Variants in TDRD7 observed in about 807,000 individuals in gnomAD.
The protein encoded by TDRD7 is tudor domain-containing protein 7.
In TDRD7, 47 loss-of-function variants were observed where a neutral mutation model predicts 109.8. The observed-to-expected ratio is 0.43, with a 90% CI of 0.34 to 0.55. The LOEUF is 0.55. Ranked by LOEUF, TDRD7 falls within the 20% of genes least tolerant of loss-of-function variation. TDRD7 has a pLI of 0.03. For missense variants in TDRD7, 1,164 were observed against 1,319.2 expected (o/e 0.88, Z 1.82); for synonymous variants, 424 against 457.3 (o/e 0.93, Z 0.93).
At chr9:97,447,241 G>A (rs1485220632) in intron 6 of TDRD7, among the ~76,000 whole-genome samples, 1 of 152,046 alleles carries the variant, frequency 6.6e-6, no homozygotes, top group East Asian at 1.9e-4. Flanking sequence ...AAGGAGTTTG[G>A]GCTTTGAGGT....
intron 16 of TDRD7, among the ~76,000 whole-genome samples, chr9:97,489,079 A>G (rs1829259838): frequency 6.6e-6 from 1 of 152,330 alleles, no homozygotes; most frequent in East Asian, 1.9e-4. Context: ...GTCTTGATGA[A>G]TGTTCCATGT....
chr9:97,487,387 T>C, intron 16 of TDRD7, 55 bp downstream of exon 16: 4 of 1,612,008 alleles, frequency 2.5e-6, no homozygotes, highest in Non-Finnish European at 3.4e-6. Flanking sequence ...TGTCATTTTA[T>C]CCTGGGTACT....
At position 97,460,675 on chromosome 9, in the gene TDRD7, C is replaced by G. The variant is rs146047308; in HGVS notation, c.1353C>G (p.Asp451Glu). Reference protein sequence around the residue: ...IAESANTFMEDITVPPLMIPT... With the variant: ...IAESANTFMEEITVPPLMIPT... ...AAAGTGCTAATACCTTTATGGAGGACATAACAGTTCCTCCTTTAATGATTC... is the reference window on the plus strand; with the variant it reads ...AAAGTGCTAATACCTTTATGGAGGAGATAACAGTTCCTCCTTTAATGATTC... The change falls in exon 7 of 17, where the codon GAC becomes GAG. Residue 451 changes from aspartate (D) to glutamate (E), a missense_variant. Asp to Glu is a conservative substitution (Grantham distance 45). Coordinates refer to ENST00000355295, the MANE Select transcript of TDRD7 (RefSeq NM_014290.3). The G allele has an allele frequency of 8.1e-5, 130 of 1,613,806 alleles. No individual in the cohort carries two copies. Among genetic ancestry groups the G allele is most frequent in the Admixed American group, 1.3e-4 (8 of 60,012 alleles).
chr9:97,487,139 T>G (rs1564216595), intron 15 of TDRD7, 33 bp from the exon 16 acceptor site: 1 of 1,613,102 alleles, frequency 6.2e-7, no homozygotes, highest in African/African-American at 1.3e-5. Flanking sequence ...GTTTATGTGT[T>G]TTCTCTTCCT....
At chr9:97,488,560 G>GTTTTTTTT (rs61689126) in intron 16 of TDRD7, among the ~76,000 whole-genome samples, 8 of 140,596 alleles carry the variant, frequency 5.7e-5, no homozygotes, top group East Asian at 2.1e-4. Flanking sequence ...AGATTTAATG[G>GTTTTTTTT]TTTTTTTTTT....
chr9:97,437,212 C>A (rs1828217483), intron 4 of TDRD7, among the ~76,000 whole-genome samples: 2 of 152,202 alleles, frequency 1.3e-5, no homozygotes, highest in African/African-American at 4.8e-5. Flanking sequence ...GCTGGGTCCT[C>A]TGCTTCAGGG....
chr9:97,467,385 G>A (rs559315121), intron 8 of TDRD7, among the ~76,000 whole-genome samples: 3 of 152,138 alleles, frequency 2.0e-5, no homozygotes, highest in South Asian at 2.1e-4. Flanking sequence ...TCAGGCTCTC[G>A]TGTCAGATAG....
chr9:97,490,881 C>G (rs1829296321), intron 16 of TDRD7, among the ~76,000 whole-genome samples: 1 of 147,978 alleles, frequency 6.8e-6, no homozygotes, highest in Non-Finnish European at 1.5e-5. Context: ...TGTTTCTGAC[C>G]TCTGACCTCT....
intron 1 of TDRD7, among the ~76,000 whole-genome samples, chr9:97,420,959 C>A (rs1827889367): frequency 6.6e-6 from 1 of 151,928 alleles, no homozygotes; most frequent in Non-Finnish European, 1.5e-5. Flanking sequence ...ATGGTGAAAC[C>A]CCATATCTAC....
In TDRD7 at chr9:97,436,566, G is replaced by A. The variant is rs193007170; in HGVS notation, c.564-2679G>A. Among the ~76,000 whole-genome samples, 5 of 152,156 alleles carry A rather than the reference G, an allele frequency of 3.3e-5. No individual in the cohort carries two copies. In the East Asian group the frequency reaches 9.7e-4, roughly 29 times the overall value. On this transcript the variant is annotated intron_variant, in intron 4 of 16. Coordinates refer to ENST00000355295, the MANE Select transcript of TDRD7 (RefSeq NM_014290.3). ...TTTTTGTATACAAAAACTTTAAAAT[G>A]TTGCATGCTTATAGCTATCGATCTT... is the stretch of plus-strand genomic sequence containing the variant.
intron 6 of TDRD7, 88 bp downstream of exon 6, chr9:97,441,963 C>T (rs1223640620): frequency 2.7e-6 from 3 of 1,116,136 alleles, no homozygotes; most frequent in South Asian, 1.2e-5. Context: ...CCTTTTATCC[C>T]CAGAAGACAA....
At chr9:97,458,694 T>C (rs760106481) in intron 6 of TDRD7, among the ~76,000 whole-genome samples, 8 of 152,182 alleles carry the variant, frequency 5.3e-5, no homozygotes, top group African/African-American at 1.2e-4. Context: ...TAAGCATACA[T>C]TGGTAAAAGT....
chr9:97,438,904 A>G (rs1007864558), intron 4 of TDRD7, among the ~76,000 whole-genome samples: 9 of 152,168 alleles, frequency 5.9e-5, no homozygotes, highest in African/African-American at 2.2e-4. Flanking sequence ...ATATTCCAAA[A>G]TGTTCTTTGT....
chr9:97,451,465 A>T (rs912239016), intron 6 of TDRD7, among the ~76,000 whole-genome samples: 3 of 151,866 alleles, frequency 2.0e-5, no homozygotes, highest in Admixed American at 1.3e-4. Context: ...AATTTTTAAA[A>T]TTTTTTTGTT....
rs773993544 is a variant in TDRD7 at position 97,480,948 on chromosome 9, C to G, written c.2412+10C>G. The G allele has an allele frequency of 5.0e-6, 8 of 1,608,004 alleles. No individual in the cohort carries two copies. In the Admixed American group the frequency reaches 1.3e-4, roughly 27 times the overall value. ...GGACTGTAGCATTAAGGTTAGCTATCTTGTTGGGCCTGATACATTTAGAAA... is the reference window on the plus strand; with the variant it reads ...GGACTGTAGCATTAAGGTTAGCTATGTTGTTGGGCCTGATACATTTAGAAA... On this transcript the variant is annotated intron_variant, in intron 14 of 16. Coordinates refer to ENST00000355295, the MANE Select transcript of TDRD7 (RefSeq NM_014290.3).
At chr9:97,450,555 A>G (rs984750431) in intron 6 of TDRD7, among the ~76,000 whole-genome samples, 14 of 152,204 alleles carry the variant, frequency 9.2e-5, no homozygotes, top group Admixed American at 9.2e-4. Context: ...TGTCTTGGGA[A>G]ATGAGGCAGG....
intron 6 of TDRD7, among the ~76,000 whole-genome samples, chr9:97,445,527 A>C (rs1423584225): frequency 6.6e-6 from 1 of 152,206 alleles, no homozygotes; most frequent in Non-Finnish European, 1.5e-5. Flanking sequence ...TAAAGCTTCC[A>C]GGGGAGGTGG....
At chr9:97,474,281 T>C (rs989007898) in intron 11 of TDRD7, among the ~76,000 whole-genome samples, 3 of 152,194 alleles carry the variant, frequency 2.0e-5, no homozygotes, top group Admixed American at 2.0e-4. Context: ...TTTCAGAATA[T>C]GCTGTGGTTT....
intron 8 of TDRD7, 63 bp downstream of exon 8, chr9:97,465,091 A>G: frequency 1.3e-6 from 2 of 1,538,404 alleles, no homozygotes; most frequent in African/African-American, 1.4e-5. Flanking sequence ...TTCCAAATGT[A>G]AATATTTTTT....
Sources: allele counts gnomAD v4.1 joint callset (sites outside exome capture counted in the v4.1 genomes callset), GRCh38; gene constraint gnomAD v4.1.1; transcripts MANE v1.5; gene names NCBI Gene and HGNC (gene_info 2026-07-23, HGNC 2026-07-21).